Variants in PDLIM7 observed in about 807,000 individuals in gnomAD.
PDLIM7 encodes the protein PDZ and LIM domain protein 7.
Under a neutral mutation model 53.9 loss-of-function variants are expected in PDLIM7, and 37 were observed. That is an observed-to-expected ratio of 0.69 (90% confidence interval 0.53 to 0.90). The LOEUF is 0.90. Among genes scored for constraint, PDLIM7 ranks in the 40% least tolerant of loss-of-function variants. PDLIM7 has a pLI of 0.00. For missense variants in PDLIM7, 617 were observed against 638.5 expected (o/e 0.97, Z 0.36); for synonymous variants, 300 against 261.3 (o/e 1.15, Z -1.43).
At chr5:177,489,739 C>T (rs762934620) in intron 8 of PDLIM7, 32 bp downstream of exon 8, 1 of 1,505,924 alleles carries the variant, frequency 6.6e-7, no homozygotes, top group Admixed American at 2.1e-5. Flanking sequence ...GGCTGCCCAC[C>T]CTTGCCCAGG....
rs1758564282 is a variant in PDLIM7, at chr5:177,488,255, G to C, written c.870-7C>G. On this transcript the variant is annotated splice_region_variant and splice_polypyrimidine_tract_variant and intron_variant, in intron 9 of 12. Transcript: ENST00000355841. ...CGCCACCAGGTAGCGGCCCCTGCAGGGAGGCGAGAGCGGTCAGAGGGAGCA... is the reference window on the plus strand; with the variant it reads ...CGCCACCAGGTAGCGGCCCCTGCAGCGAGGCGAGAGCGGTCAGAGGGAGCA... The C allele has an allele frequency of 1.3e-6, 2 of 1,592,700 alleles. No individual in the cohort carries two copies. The highest frequency in any genetic ancestry group is 1.3e-5 in the African/African-American group (1 of 74,396).
At position 177,491,818 on chromosome 5, in the gene PDLIM7, C is replaced by T. The variant is rs199920926; in HGVS notation, c.387G>A (p.Pro129=). 1 of 1,281,766 alleles carries T rather than the reference C, an allele frequency of 7.8e-7. No individual in the cohort carries two copies. The allele number at this position is 1,281,766 out of a possible 1,614,324, so 79.4% of individuals were successfully genotyped here. The change falls in exon 5 of 13, where the codon CCG becomes CCA. Residue 129 remains proline (P), a synonymous_variant. Transcript: ENST00000355841. ...AGGGGCCGACGTACCCATTCTGCTG[C>T]GGGGCGCTGTCAGCGGGCGGGGGCG... ...FGAPPPADSA[P]QQNGQPLRPL... is the part of the protein sequence containing the mutation.
chr5:177,496,303 T>C, intron 2 of PDLIM7, 114 bp downstream of exon 2: 1 of 696,060 alleles, frequency 1.4e-6, no homozygotes, highest in Non-Finnish European at 2.2e-6. Flanking sequence ...GACCTAGACA[T>C]CTCCTGGCCT....
intron 1 of PDLIM7, 39 bp downstream of exon 1, chr5:177,497,489 C>G (rs919523592): frequency 6.6e-6 from 1 of 152,450 alleles, no homozygotes; most frequent in Admixed American, 6.5e-5. Context: ...CGGGCGCCCG[C>G]CTGGTGCAGC....
At chr5:177,485,722 C>T (rs1328880751) in intron 10 of PDLIM7, among the ~76,000 whole-genome samples, 7 of 152,316 alleles carry the variant, frequency 4.6e-5, no homozygotes, top group Admixed American at 6.5e-5. Context: ...CAGTGGCTCA[C>T]GTCTGTAATC....
chr5:177,483,706 T>C lies in PDLIM7; in HGVS notation c.1312A>G (p.Lys438Glu). 1 of 1,613,102 alleles carries C rather than the reference T, an allele frequency of 6.2e-7. No individual in the cohort carries two copies. Among genetic ancestry groups the C allele is most frequent in the Non-Finnish European group, 8.5e-7 (1 of 1,179,158 alleles). The part of the protein sequence containing the change: ...CAICQINLEG[K>E]TFYSKKDRPL... Reference sequence around the variant, plus strand: ...CTGTCCTTCTTGGAGTAGAAGGTCTTTCCTTCCAGGTTGATCTGACATATC... The same window carrying C: ...CTGTCCTTCTTGGAGTAGAAGGTCTCTCCTTCCAGGTTGATCTGACATATC... The change falls in exon 13 of 13, where the codon AAG becomes GAG. Residue 438 changes from lysine to glutamate, a missense_variant. Transcript: ENST00000355841.
intron 7 of PDLIM7, chr5:177,490,224 G>C (rs1758678735): frequency 6.9e-7 from 1 of 1,447,748 alleles, no homozygotes; most frequent in Non-Finnish European, 9.1e-7. Flanking sequence ...GGTCCACAAA[G>C]ATAGAAGACA....
intron 10 of PDLIM7, among the ~76,000 whole-genome samples, chr5:177,486,854 A>G (rs1253370627): frequency 6.8e-6 from 1 of 147,448 alleles, no homozygotes; most frequent in Non-Finnish European, 1.5e-5. Flanking sequence ...GATGGTCTCA[A>G]TCTCCTGACC....
At chr5:177,491,550 C>G (rs969359482) in intron 5 of PDLIM7, 2 of 795,062 alleles carry the variant, frequency 2.5e-6, no homozygotes, top group East Asian at 5.4e-5. Flanking sequence ...TCAGCTGGCC[C>G]GACACCACAA....
chr5:177,497,026 G>C (rs1231011100), intron 1 of PDLIM7: 1 of 141,896 alleles, frequency 7.0e-6, no homozygotes, highest in Admixed American at 6.9e-5. Flanking sequence ...GGAGGGGAGG[G>C]GAGGGGAGGG....
intron 9 of PDLIM7, among the ~76,000 whole-genome samples, chr5:177,488,768 TA>T (rs1758587631): frequency 6.6e-6 from 1 of 151,944 alleles, no homozygotes; most frequent in South Asian, 2.1e-4. Context: ...CGGGTGCCTG[TA>T]ATCCCAGCTA....
chr5:177,496,833 C>G (rs759892929), intron 1 of PDLIM7: 2 of 197,934 alleles, frequency 1.0e-5, no homozygotes, highest in Non-Finnish European at 1.0e-5. Context: ...GGCCTCCCCC[C>G]AAGCCAGCCT....
At chr5:177,487,031 A>T (rs538437457) in intron 10 of PDLIM7, among the ~76,000 whole-genome samples, 2 of 125,236 alleles carry the variant, frequency 1.6e-5, no homozygotes, top group South Asian at 5.1e-4. Context: ...ACCTCTCAAG[A>T]TCAAGCGATT....
chr5:177,491,679 C>T (rs906837674), intron 5 of PDLIM7, 128 bp downstream of exon 5: 31 of 639,278 alleles, frequency 4.8e-5, no homozygotes, highest in South Asian at 4.5e-4. Context: ...CCACCCCGGC[C>T]GCCAGGGGGC....
chr5:177,492,239 G>A (rs1758835138), intron 4 of PDLIM7, 166 bp downstream of exon 4: 4 of 801,302 alleles, frequency 5.0e-6, no homozygotes, highest in Non-Finnish European at 1.9e-6. Flanking sequence ...GGACCGTGCA[G>A]CAGCCCCTGG....
rs1220085613 is a variant in PDLIM7 at position 177,489,712 on chromosome 5, AC to A, written c.634+58del. The A allele has an allele frequency of 1.3e-5, 19 of 1,482,024 alleles. No individual in the cohort carries two copies. The African/African-American group carries it at 1.5e-4, about 12-fold the overall frequency. 91.8% of individuals were successfully genotyped at this position (1,482,024 alleles called of 1,614,324 possible). On this transcript the variant is annotated intron_variant, in intron 8 of 12. Transcript: ENST00000355841. ...CCCAGGCAGCTGAGAGAAGCCCACCACCCCCATGCCCCTGGAGGCTGCCCAC... is the reference window on the plus strand; with the variant it reads ...CCCAGGCAGCTGAGAGAAGCCCACCACCCCATGCCCCTGGAGGCTGCCCAC...
intron 9 of PDLIM7, among the ~76,000 whole-genome samples, chr5:177,488,500 G>T (rs1314285142): frequency 2.0e-5 from 3 of 152,356 alleles, no homozygotes; most frequent in Middle Eastern, 3.4e-3. Flanking sequence ...CGGGAGGAAG[G>T]GCTGACGACT....
Position 177,483,514 on chromosome 5 carries a change from C to A in PDLIM7, c.*130G>T, listed in dbSNP as rs1758288622. On this transcript the variant is annotated 3_prime_UTR_variant, in exon 13 of 13. Transcript: ENST00000355841. The stretch of plus-strand genomic sequence containing the variant: ...AGGATAAGGTGGGTGGGGCAGGGCC[C>A]AGGGAGCCCCAGGCTCGGGCCAGGA... 3 of 647,874 alleles carry A rather than the reference C, an allele frequency of 4.6e-6. No individual in the cohort carries two copies. The highest frequency in any genetic ancestry group is 8.2e-6 in the Non-Finnish European group (3 of 367,966). The allele number at this position is 647,874 out of a possible 1,614,324, so 40.1% of individuals were successfully genotyped here. A position where few individuals can be genotyped will look rare whatever the true frequency, so the allele number is the denominator to read the frequency against.
chr5:177,490,130 G>A, intron 7 of PDLIM7: 5 of 1,499,810 alleles, frequency 3.3e-6, no homozygotes, highest in South Asian at 1.2e-5. Flanking sequence ...CCCTTTGCCA[G>A]GTACCCCCTC....
Sources: gnomAD v4.1 joint callset for allele counts (sites outside exome capture counted in the v4.1 genomes callset) on GRCh38, gnomAD v4.1.1 for gene constraint, MANE v1.5 for transcripts, NCBI Gene and HGNC (gene_info 2026-07-23, HGNC 2026-07-21) for gene names.